The following RBPJ variants were observed in gnomAD, a reference collection of about 807,000 sequenced individuals.
RBPJ encodes recombining binding protein suppressor of hairless.
Under a neutral mutation model 67.8 loss-of-function variants are expected in RBPJ, and 9 were observed. The ratio of observed to expected loss-of-function variants is 0.13; its 90% CI spans 0.08 to 0.23. RBPJ has a LOEUF of 0.23. RBPJ is among the 10% of genes least tolerant of loss of function. The probability of loss-of-function intolerance (pLI) is 1.00; values close to 1 mark genes in which losing one functional copy is unlikely to be tolerated. For missense variants in RBPJ, 305 were observed against 595.6 expected (o/e 0.51, Z 5.08); for synonymous variants, 198 against 203.3 (o/e 0.97, Z 0.22).
intron 1 of RBPJ, among the ~76,000 whole-genome samples, chr4:26,176,690 T>C (rs573542732): frequency 1.3e-5 from 2 of 152,340 alleles, no homozygotes; most frequent in South Asian, 4.1e-4. Flanking sequence ...GTAGATGAGA[T>C]CATGGGACAT....
chr4:26,210,744 C>CTTTCTTTCTTTCTTTCTTTCTTTCT (rs56940118), intron 1 of RBPJ, among the ~76,000 whole-genome samples: 1 of 47,880 alleles, frequency 2.1e-5, no homozygotes, highest in South Asian at 6.3e-4. Context: ...TACTTCTTTC[C>CTTTCTTTCTTTCTTTCTTTCTTTCT]TTCTTTCCTT....
At chr4:26,255,032 A>G (rs1469641492) in intron 1 of RBPJ, among the ~76,000 whole-genome samples, 1 of 142,470 alleles carries the variant, frequency 7.0e-6, no homozygotes, top group African/African-American at 2.7e-5. Flanking sequence ...CATGCTATAT[A>G]GCATGTTTTA....
At chr4:26,364,787 A>G (rs1401216467) in intron 1 of RBPJ, among the ~76,000 whole-genome samples, 2 of 151,420 alleles carry the variant, frequency 1.3e-5, no homozygotes, top group Non-Finnish European at 2.9e-5. Context: ...CACCATGCCC[A>G]GCTAATTTTT....
intron 5 of RBPJ, among the ~76,000 whole-genome samples, chr4:26,421,342 G>A (rs545833650): frequency 1.6e-4 from 24 of 150,172 alleles, no homozygotes; most frequent in African/African-American, 5.6e-4. Flanking sequence ...TTACTCTGTC[G>A]CCCAGGCTGG....
At chr4:26,211,732 T>C (rs545987261) in intron 1 of RBPJ, among the ~76,000 whole-genome samples, 1 of 152,240 alleles carries the variant, frequency 6.6e-6, no homozygotes, top group East Asian at 1.9e-4. Context: ...ATACCCTACC[T>C]GTTATAGGTT....
At chr4:26,175,543 AAATCACCTC>A (rs1716767107) in intron 1 of RBPJ, among the ~76,000 whole-genome samples, 1 of 152,182 alleles carries the variant, frequency 6.6e-6, no homozygotes, top group African/African-American at 2.4e-5. Context: ...TTTTGTGTAA[AAATCACCTC>A]CAGGAAAGTC....
intron 1 of RBPJ, among the ~76,000 whole-genome samples, chr4:26,369,044 C>G (rs997600804): frequency 6.6e-6 from 1 of 152,146 alleles, no homozygotes; most frequent in Non-Finnish European, 1.5e-5. Flanking sequence ...TCCTGTAACT[C>G]CATCCCCTGG....
chr4:26,356,355 G>A lies in RBPJ; in HGVS notation c.21-29998G>A, dbSNP rs115588786. Among the ~76,000 whole-genome samples the A allele has an allele frequency of 2.8e-3, 428 of 152,306 alleles. 2 individuals are homozygous for A. Among genetic ancestry groups the A allele is most frequent in the African/African-American group, 9.9e-3 (410 of 41,560 alleles). On this transcript the variant is annotated intron_variant, in intron 1 of 10. Coordinates refer to ENST00000355476, the MANE Select transcript of RBPJ (RefSeq NM_015874.6). Reference sequence around the variant, plus strand: ...AGTTTTGTATCAGTAGCTAAGTAGAGTCAGAGCTAGATCAGGCCAAATAGA... The same window carrying A: ...AGTTTTGTATCAGTAGCTAAGTAGAATCAGAGCTAGATCAGGCCAAATAGA...
chr4:26,196,457 G>A (rs905247754), intron 1 of RBPJ, among the ~76,000 whole-genome samples: 18 of 152,186 alleles, frequency 1.2e-4, no homozygotes, highest in South Asian at 4.1e-4. Context: ...GTGACTGCTC[G>A]TGGGTATGGG....
intron 1 of RBPJ, among the ~76,000 whole-genome samples, chr4:26,171,428 C>T (rs1716578934): frequency 6.6e-6 from 1 of 152,084 alleles, no homozygotes; most frequent in African/African-American, 2.4e-5. Context: ...ATTAGTTGAG[C>T]ATGGTAGCAT....
chr4:26,396,994 C>T (rs911136938), intron 2 of RBPJ, among the ~76,000 whole-genome samples: 1 of 152,128 alleles, frequency 6.6e-6, no homozygotes, highest in Admixed American at 6.5e-5. Context: ...AACTGGTCCT[C>T]AGGCAAACAG....
intron 1 of RBPJ, among the ~76,000 whole-genome samples, chr4:26,188,117 G>A (rs894835588): frequency 2.0e-5 from 3 of 152,274 alleles, no homozygotes; most frequent in East Asian, 3.9e-4. Flanking sequence ...GCCAAGGCAC[G>A]AAAATCCCTT....
intron 1 of RBPJ, among the ~76,000 whole-genome samples, chr4:26,298,568 G>A (rs566858648): frequency 2.0e-5 from 3 of 152,308 alleles, no homozygotes; most frequent in East Asian, 1.9e-4. Flanking sequence ...TAAGTGAAGA[G>A]GAAGAAGTAT....
chr4:26,316,609 CAT>C (rs1343366428), upstream of RBPJ, among the ~76,000 whole-genome samples: 3 of 136,934 alleles, frequency 2.2e-5, no homozygotes, highest in South Asian at 6.6e-4. Flanking sequence ...TATATATACA[CAT>C]ATTGATATAT....
chr4:26,108,279 G>T, the RBPJ span, among the ~76,000 whole-genome samples: 1 of 152,194 alleles, frequency 6.6e-6, no homozygotes, highest in Non-Finnish European at 1.5e-5. Context: ...CTCCCACGAG[G>T]TGGGAGAAAA....
At chr4:26,216,722 C>T (rs139209253) in intron 1 of RBPJ, among the ~76,000 whole-genome samples, 50 of 152,094 alleles carry the variant, frequency 3.3e-4, no homozygotes, top group Admixed American at 2.8e-3. Context: ...TGGGAGTTTG[C>T]GAGCAACCTA....
At chr4:26,394,126 G>A (rs539514869) in intron 2 of RBPJ, among the ~76,000 whole-genome samples, 19 of 150,992 alleles carry the variant, frequency 1.3e-4, no homozygotes, top group African/African-American at 3.6e-4. Flanking sequence ...TCCCGGGTTC[G>A]CGCCATTCTC....
chr4:26,332,593 A>T (rs1254174442), intron 1 of RBPJ, among the ~76,000 whole-genome samples: 1 of 152,194 alleles, frequency 6.6e-6, no homozygotes, highest in Non-Finnish European at 1.5e-5. Flanking sequence ...TGTATAAAAT[A>T]ATCATCTTGA....
In RBPJ at chr4:26,348,119, G is replaced by A. The variant is rs182888585; in HGVS notation, c.20+27071G>A. On this transcript the variant is annotated intron_variant, in intron 1 of 10. Coordinates refer to ENST00000355476, the MANE Select transcript of RBPJ (RefSeq NM_015874.6). ...TGGGATTACAGGCACACGCTACCAC[G>A]CCTGGCTAATTTTGTATTTTTAGTA... is the stretch of plus-strand genomic sequence containing the variant. Among the ~76,000 whole-genome samples, 69 of 151,976 alleles carry A rather than the reference G, an allele frequency of 4.5e-4. No individual in the cohort carries two copies. In the East Asian group the frequency reaches 6.8e-3, roughly 15 times the overall value.
Sources: gnomAD v4.1 joint callset for allele counts (sites outside exome capture counted in the v4.1 genomes callset) on GRCh38, gnomAD v4.1.1 for gene constraint, MANE v1.5 for transcripts, NCBI Gene and HGNC (gene_info 2026-07-23, HGNC 2026-07-21) for gene names.